The following ABCA5 variants were observed in gnomAD, a reference collection of about 807,000 sequenced individuals.
The protein encoded by ABCA5 is cholesterol transporter ABCA5.
In ABCA5, 163 loss-of-function variants were observed where a neutral mutation model predicts 206.0. That is an observed-to-expected ratio of 0.79 (90% CI 0.70 to 0.90). ABCA5 has a LOEUF of 0.90. Among genes scored for constraint, ABCA5 ranks in the 40% least tolerant of loss-of-function variants. The pLI is 0.00. For synonymous variants in ABCA5, 609 were observed against 613.8 expected (o/e 0.99, Z 0.11); for missense variants, 1,859 against 1,912.9 (o/e 0.97, Z 0.53).
chr17:69,287,292 G>C (rs1052768850), intron 15 of ABCA5, among the ~76,000 whole-genome samples: 2 of 152,094 alleles, frequency 1.3e-5, no homozygotes, highest in African/African-American at 4.8e-5. Flanking sequence ...CTTCTACCTG[G>C]TTTCCTCGAG....
Position 69,259,759 on chromosome 17 carries a change from T to C in ABCA5, c.3678A>G (p.Gln1226=). 2 of 1,609,678 alleles carry C rather than the reference T, an allele frequency of 1.2e-6. No individual in the cohort carries two copies. The highest frequency in any genetic ancestry group is 1.7e-6 in the Non-Finnish European group (2 of 1,177,008). The change falls in exon 28 of 39, where the codon CAA becomes CAG. Residue 1226 remains glutamine, a synonymous_variant. Coordinates refer to ENST00000392676, the MANE Select transcript of ABCA5 (RefSeq NM_172232.4). The part of the protein sequence containing the change: ...LQCVLWIFLL[Q]YYEKKYGGRS... The stretch of plus-strand genomic sequence containing the variant: ...TGCCTCCATATTTTTTCTCATAGTA[T>C]TGTAAGAGGAAAATCCACAGTACAC...
In ABCA5 at chr17:69,271,969, A is replaced by G. The variant is rs571700231; in HGVS notation, c.2765-680T>C. On this transcript the variant is annotated intron_variant, in intron 20 of 38. Transcript: ENST00000392676. ...TCCTGTCGGGATTTAAATCTATACC[A>G]ACATGTCTGCCGAATAGATGCAGTT... Among the ~76,000 whole-genome samples the G allele has an allele frequency of 4.6e-5, 7 of 152,330 alleles. 1 individual carries two copies. Among genetic ancestry groups the G allele is most frequent in the African/African-American group, 1.7e-4 (7 of 41,584 alleles).
chr17:69,268,998 G>A lies in ABCA5; in HGVS notation c.3031-942C>T, dbSNP rs189287526. The A allele has an allele frequency of 3.3e-5, 5 of 152,296 alleles. No individual in the cohort carries two copies. In the East Asian group the frequency reaches 9.6e-4, roughly 29 times the overall value. 9.4% of individuals were successfully genotyped at this position (152,296 alleles called of 1,614,324 possible). A position where few individuals can be genotyped will look rare whatever the true frequency, so the allele number is the denominator to read the frequency against. ...GACTAGTAGTGCAAGAAGTGGAAAT[G>A]AATGAGACTACAGTTGGATCCAATC... On this transcript the variant is annotated intron_variant, in intron 22 of 38. Transcript: ENST00000392676.
Position 69,271,214 on chromosome 17 carries a change from T to A in ABCA5, c.2840A>T (p.Tyr947Phe), listed in dbSNP as rs141034059. 92 of 1,613,640 alleles carry A rather than the reference T, an allele frequency of 5.7e-5. No homozygotes were observed. The African/African-American group carries it at 1.1e-3, about 19-fold the overall frequency. The part of the protein sequence containing the change: ...IMVTMINDSD[Y>F]VSVAPHSAAL... ...CGCACTATGGGGAGCCACGGATACA[T>A]AGTCACTGTCATTAATCATCGTCAC... Residue 947 changes from tyrosine (Y) to phenylalanine (F), a missense_variant, in exon 21 of 39, where the codon TAT becomes TTT. Tyr to Phe is a conservative substitution (Grantham distance 22). Coordinates refer to ENST00000392676, the MANE Select transcript of ABCA5 (RefSeq NM_172232.4).
In ABCA5 at chr17:69,282,980, CTT is replaced by C. The variant is rs1048269473; in HGVS notation, c.2392+971_2392+972del. ...TATAACCCAAATATCTGTTCTTTCC[CTT>C]TTTTTTTTTTTTTTTTTTTTTTTAA... On this transcript the variant is annotated intron_variant, in intron 18 of 38. Coordinates refer to ENST00000392676, the MANE Select transcript of ABCA5 (RefSeq NM_172232.4). Among the ~76,000 whole-genome samples, 651 of 112,976 alleles carry C rather than the reference CTT, an allele frequency of 5.8e-3. 1 individual carries two copies. The highest frequency in any genetic ancestry group is 0.016 in the African/African-American group (488 of 30,478). The allele number at this position is 112,976 out of a possible 152,430, so 74.1% of individuals were successfully genotyped here.
chr17:69,270,486 GT>G (rs1350490332), intron 22 of ABCA5, 126 bp downstream of exon 22: 19 of 868,836 alleles, frequency 2.2e-5, no homozygotes, highest in Non-Finnish European at 3.3e-5. Flanking sequence ...TCTCACTTGA[GT>G]TTTAAGAAGT....
chr17:69,253,512 T>C (rs778193276), intron 34 of ABCA5, 61 bp downstream of exon 34: 120 of 1,122,430 alleles, frequency 1.1e-4, no homozygotes, highest in Non-Finnish European at 1.4e-4. Flanking sequence ...TAAACTATTA[T>C]AATAAAAGAA....
intron 1 of ABCA5, chr17:69,317,153 T>C (rs944780384): frequency 6.6e-6 from 1 of 152,098 alleles, no homozygotes; most frequent in African/African-American, 2.4e-5. Context: ...TCCCAGCACT[T>C]TGGGAAGCCA....
chr17:69,275,474 T>G (rs2075321879), intron 19 of ABCA5, among the ~76,000 whole-genome samples: 1 of 152,182 alleles, frequency 6.6e-6, no homozygotes, highest in Non-Finnish European at 1.5e-5. Flanking sequence ...AATTGTTATA[T>G]CTAAGATTTC....
intron 22 of ABCA5, among the ~76,000 whole-genome samples, chr17:69,269,279 C>T (rs1741661565): frequency 6.6e-6 from 1 of 152,018 alleles, no homozygotes; most frequent in Non-Finnish European, 1.5e-5. Flanking sequence ...GAGAAGGAAA[C>T]AAGATTGGAG....
chr17:69,276,590 T>C (rs2075334530), intron 19 of ABCA5, among the ~76,000 whole-genome samples: 2 of 151,998 alleles, frequency 1.3e-5, no homozygotes, highest in South Asian at 4.2e-4. Flanking sequence ...CACTCATAAG[T>C]GGGAGCTGAA....
intron 9 of ABCA5, among the ~76,000 whole-genome samples, chr17:69,299,239 T>C (rs888662985): frequency 2.0e-5 from 3 of 152,102 alleles, no homozygotes; most frequent in African/African-American, 7.2e-5. Flanking sequence ...GTAAAGCCAC[T>C]ATGGAAAGCA....
chr17:69,289,660 C>T (rs1036488985), intron 13 of ABCA5, among the ~76,000 whole-genome samples: 7 of 152,104 alleles, frequency 4.6e-5, no homozygotes, highest in African/African-American at 1.7e-4. Context: ...GGCAGGCAAG[C>T]ATCCTCCAGA....
At position 69,261,710 on chromosome 17, in the gene ABCA5, C is replaced by A. The variant is rs769275350; in HGVS notation, c.3354G>T (p.Leu1118=). Residue 1118 remains leucine, a synonymous_variant, in exon 25 of 39, where the codon CTG becomes CTT. Coordinates refer to ENST00000392676, the MANE Select transcript of ABCA5 (RefSeq NM_172232.4). Reference sequence around the variant, plus strand: ...AGGTGAAAGAAGCAATATAAGTGAACAGAATAACTGATGGAACATAACCAA... The same window carrying A: ...AGGTGAAAGAAGCAATATAAGTGAAAAGAATAACTGATGGAACATAACCAA... The part of the protein sequence containing the change: ...CLIGYVPSVI[L]FTYIASFTFK... 2 of 1,506,440 alleles carry A rather than the reference C, an allele frequency of 1.3e-6. No individual in the cohort carries two copies. The highest frequency in any genetic ancestry group is 1.8e-6 in the Non-Finnish European group (2 of 1,125,194). 93.3% of individuals were successfully genotyped at this position (1,506,440 alleles called of 1,614,324 possible).
rs75189579 is a variant in ABCA5 at position 69,303,811 on chromosome 17, T to C, written c.930+858A>G. Among the ~76,000 whole-genome samples the C allele has an allele frequency of 4.0e-3, 17 of 4,262 alleles. 2 individuals are homozygous for C. Among genetic ancestry groups the C allele is most frequent in the East Asian group, 0.11 (2 of 18 alleles). The allele number at this position is 4,262 out of a possible 152,430, so 2.8% of individuals were successfully genotyped here. ...ATATATATATATATATATATATACATACATATATATATATGTATATATATA... is the reference window on the plus strand; with the variant it reads ...ATATATATATATATATATATATACACACATATATATATATGTATATATATA... On this transcript the variant is annotated intron_variant, in intron 7 of 38. Coordinates refer to ENST00000392676, the MANE Select transcript of ABCA5 (RefSeq NM_172232.4).
At position 69,313,188 on chromosome 17, in the gene ABCA5, T is replaced by C; in HGVS notation, c.211A>G (p.Lys71Glu). 6.3e-7 allele frequency: 1 copy of C among 1,597,386 alleles called. No homozygotes were observed. The highest frequency in any genetic ancestry group is 1.3e-5 in the African/African-American group (1 of 74,674). The change falls in exon 3 of 39, where the codon AAG becomes GAG. Residue 71 changes from lysine (K) to glutamate (E), a missense_variant. Coordinates refer to ENST00000392676, the MANE Select transcript of ABCA5 (RefSeq NM_172232.4). Reference protein sequence around the residue: ...VPNIELNPMDKFTLSNLILGY... With the variant: ...VPNIELNPMDEFTLSNLILGY... ...AGAATTAGATTAGAAAGAGTAAACTTGTCCATAGGATTGAGTTCTATATTA... is the reference window on the plus strand; with the variant it reads ...AGAATTAGATTAGAAAGAGTAAACTCGTCCATAGGATTGAGTTCTATATTA...
At chr17:69,324,956 TA>T (rs1348857640) in intron 1 of ABCA5, among the ~76,000 whole-genome samples, 3 of 152,036 alleles carry the variant, frequency 2.0e-5, no homozygotes, top group Non-Finnish European at 4.4e-5. Context: ...CCTTTTAGCT[TA>T]AAAAGGGATA....
chr17:69,307,046 G>C, intron 5 of ABCA5, 92 bp from the exon 6 acceptor site: 1 of 748,764 alleles, frequency 1.3e-6, no homozygotes, highest in Non-Finnish European at 2.0e-6. Flanking sequence ...AATTTGGTCA[G>C]TAACCTAGTA....
At position 69,250,615 on chromosome 17, in the gene ABCA5, G is replaced by C; in HGVS notation, c.4542C>G (p.Ile1514Met). Reference sequence around the variant, plus strand: ...TACTCTTTAGATGTTGTACTGTTCCGATACATCTGAAGTAATTTTTTAAAA... The same window carrying C: ...TACTCTTTAGATGTTGTACTGTTCCCATACATCTGAAGTAATTTTTTAAAA... ...AIMVSGQLRC[I>M]GTVQHLKSKF... The change falls in exon 36 of 39, where the codon ATC (isoleucine) becomes ATG (methionine). Residue 1514 changes from isoleucine (I) to methionine (M), a missense_variant. Transcript: ENST00000392676. The C allele has an allele frequency of 6.5e-7, 1 of 1,549,638 alleles. No individual in the cohort carries two copies. The highest frequency in any genetic ancestry group is 8.7e-7 in the Non-Finnish European group (1 of 1,154,088).
Sources: gnomAD v4.1 joint callset for allele counts (sites outside exome capture counted in the v4.1 genomes callset) on GRCh38, gnomAD v4.1.1 for gene constraint, MANE v1.5 for transcripts, NCBI Gene and HGNC (gene_info 2026-07-23, HGNC 2026-07-21) for gene names.